Variants in STAU2 observed in about 807,000 individuals in gnomAD.
The protein encoded by STAU2 is staufen double-stranded RNA binding protein 2.
A neutral mutation model predicts 65.9 loss-of-function variants in STAU2; 20 were observed. That is an observed-to-expected ratio of 0.30 (90% confidence interval 0.21 to 0.44). The LOEUF (loss-of-function observed/expected upper bound fraction) is 0.44, where lower values mean the gene tolerates loss of function less well. STAU2 is among the 20% of genes least tolerant of loss of function. The pLI is 1.00. For synonymous variants in STAU2, 232 were observed against 233.9 expected (o/e 0.99, Z 0.07); for missense variants, 558 against 683.9 (o/e 0.82, Z 2.05).
chr8:73,742,019 T>A (rs1397170972), intron 1 of STAU2, among the ~76,000 whole-genome samples: 1 of 152,234 alleles, frequency 6.6e-6, no homozygotes, highest in African/African-American at 2.4e-5. Context: ...TATACTTTTT[T>A]AAGCAAACCA....
chr8:73,447,667 C>CT (rs1346352188), intron 13 of STAU2, among the ~76,000 whole-genome samples: 1 of 152,194 alleles, frequency 6.6e-6, no homozygotes, highest in East Asian at 1.9e-4. Flanking sequence ...CCCCAAGGGC[C>CT]TGGAAGGGAA....
intron 8 of STAU2, among the ~76,000 whole-genome samples, chr8:73,614,199 T>G (rs1461368163): frequency 2.6e-5 from 4 of 152,202 alleles, no homozygotes; most frequent in African/African-American, 9.6e-5. Context: ...TTTATTACTT[T>G]AAAACAGATC....
chr8:73,547,012 A>G (rs1357039775), intron 13 of STAU2, among the ~76,000 whole-genome samples: 1 of 152,230 alleles, frequency 6.6e-6, no homozygotes, highest in African/African-American at 2.4e-5. Flanking sequence ...CTTCTGATAC[A>G]AACAGAAAAG....
intron 11 of STAU2, among the ~76,000 whole-genome samples, chr8:73,589,542 A>C (rs937032999): frequency 2.0e-5 from 3 of 152,178 alleles, no homozygotes; most frequent in Non-Finnish European, 2.9e-5. Context: ...CAGAACAAAA[A>C]CATAAGGAAA....
intron 6 of STAU2, among the ~76,000 whole-genome samples, chr8:73,663,585 G>GT (rs1292983479): frequency 5.3e-5 from 8 of 149,582 alleles, no homozygotes; most frequent in African/African-American, 7.4e-5. Context: ...TAGCCAAATT[G>GT]TTTTTTTGCA....
Position 73,617,371 on chromosome 8 carries a change from C to T in STAU2, c.491G>A (p.Arg164Gln). Residue 164 changes from arginine (R) to glutamine (Q), a missense_variant, in exon 7 of 15, where the codon CGA becomes CAA. Arg to Gln is a conservative substitution (Grantham distance 43). Transcript: ENST00000524300. ...NNEFFGEGKT[R>Q]QAARHNAAMK... Reference sequence around the variant, plus strand: ...TGCAGCATTGTGTCTAGCAGCTTGTCGAGTCTTTCCTTCCCCAAAAAATTC... The same window carrying T: ...TGCAGCATTGTGTCTAGCAGCTTGTTGAGTCTTTCCTTCCCCAAAAAATTC... 3 of 1,614,054 alleles carry T rather than the reference C, an allele frequency of 1.9e-6. No homozygotes were observed. Among genetic ancestry groups the T allele is most frequent in the African/African-American group, 2.7e-5 (2 of 75,016 alleles).
intron 7 of STAU2, among the ~76,000 whole-genome samples, 178 bp from the exon 8 acceptor site, chr8:73,615,960 T>C (rs1401495923): frequency 6.6e-6 from 1 of 152,240 alleles, no homozygotes; most frequent in Non-Finnish European, 1.5e-5. Flanking sequence ...GGCTTTTTGT[T>C]ACTCGATTTT....
chr8:73,616,809 GA>G (rs1199249504), intron 7 of STAU2, among the ~76,000 whole-genome samples: 6 of 151,884 alleles, frequency 4.0e-5, no homozygotes, highest in African/African-American at 1.5e-4. Flanking sequence ...AAAAAAAAAG[GA>G]AGCTCACTAT....
At chr8:73,697,649 TAAAGAG>T (rs1380760046) in intron 4 of STAU2, among the ~76,000 whole-genome samples, 1 of 152,136 alleles carries the variant, frequency 6.6e-6, no homozygotes, top group African/African-American at 2.4e-5. Flanking sequence ...TAATAAGACA[TAAAGAG>T]AAACAACAAA....
chr8:73,731,581 T>A (rs1182159027), intron 3 of STAU2, among the ~76,000 whole-genome samples: 1 of 152,192 alleles, frequency 6.6e-6, no homozygotes, highest in Admixed American at 6.5e-5. Flanking sequence ...ATTCTCAAGT[T>A]ATTTAAAGAG....
intron 3 of STAU2, among the ~76,000 whole-genome samples, chr8:73,716,291 T>A (rs943001064): frequency 6.6e-6 from 1 of 152,172 alleles, no homozygotes; most frequent in Non-Finnish European, 1.5e-5. Context: ...GGTTTCTCCA[T>A]GTTGGACAGG....
chr8:73,735,245 C>T (rs1806353613), intron 3 of STAU2, among the ~76,000 whole-genome samples: 1 of 152,146 alleles, frequency 6.6e-6, no homozygotes, highest in Non-Finnish European at 1.5e-5. Context: ...TACACATTTA[C>T]CTTGAGAACC....
intron 12 of STAU2, among the ~76,000 whole-genome samples, chr8:73,577,166 C>T (rs13263284): frequency 0.55 from 84,313 of 151,956 alleles, 26,292 homozygotes; most frequent in East Asian, 0.74. Context: ...CACTGGCTCA[C>T]GCCTGTAATC....
At chr8:73,568,494 T>A (rs1251226458) in intron 12 of STAU2, among the ~76,000 whole-genome samples, 1 of 152,096 alleles carries the variant, frequency 6.6e-6, no homozygotes, top group Non-Finnish European at 1.5e-5. Context: ...AATTAGCTAC[T>A]TGAAAGGCTG....
At chr8:73,462,427 G>T (rs113408789) in intron 13 of STAU2, among the ~76,000 whole-genome samples, 2 of 148,668 alleles carry the variant, frequency 1.3e-5, no homozygotes, top group African/African-American at 5.0e-5. Context: ...ACAGGGTCTC[G>T]CTCTGTCACC....
intron 13 of STAU2, among the ~76,000 whole-genome samples, chr8:73,498,723 G>A (rs1337685696): frequency 1.3e-5 from 2 of 151,726 alleles, no homozygotes; most frequent in Admixed American, 6.6e-5. Context: ...TAAGAAACTT[G>A]CCCAAGGCAA....
At chr8:73,472,796 G>A (rs1344635043) in intron 13 of STAU2, among the ~76,000 whole-genome samples, 2 of 151,876 alleles carry the variant, frequency 1.3e-5, no homozygotes, top group African/African-American at 2.4e-5. Flanking sequence ...ACCCACCTTC[G>A]GCTGTATTAA....
rs563024780 is a variant in STAU2, at chr8:73,655,364, C to T, written c.410+17743G>A. On this transcript the variant is annotated intron_variant, in intron 6 of 14. Coordinates refer to ENST00000524300, the MANE Select transcript of STAU2 (RefSeq NM_001164380.2). The stretch of plus-strand genomic sequence containing the variant: ...TCCACCTTTATCTACTCAAAAAATA[C>T]ATAAATTCTGTTAAATACAACAGAA... Among the ~76,000 whole-genome samples the T allele has an allele frequency of 3.0e-4, 46 of 152,226 alleles. No individual in the cohort carries two copies. The South Asian group carries it at 9.1e-3, about 30-fold the overall frequency.
At chr8:73,737,914 A>C (rs949467750) in intron 3 of STAU2, among the ~76,000 whole-genome samples, 3 of 151,916 alleles carry the variant, frequency 2.0e-5, no homozygotes, top group Non-Finnish European at 2.9e-5. Context: ...AAAAAAAAAA[A>C]CAGATACAAC....
Sources: allele counts gnomAD v4.1 joint callset (sites outside exome capture counted in the v4.1 genomes callset), GRCh38; gene constraint gnomAD v4.1.1; transcripts MANE v1.5; gene names NCBI Gene and HGNC (gene_info 2026-07-23, HGNC 2026-07-21).